Variants in SUGCT observed in about 807,000 individuals in gnomAD.
SUGCT encodes succinyl-CoA:glutarate CoA-transferase.
SUGCT carries 41 observed loss-of-function variants against 55.0 expected under a neutral mutation model. That is an observed-to-expected ratio of 0.74 (90% CI 0.58 to 0.97). The LOEUF (loss-of-function observed/expected upper bound fraction) is 0.97, where lower values mean the gene tolerates loss of function less well. Ranked by LOEUF, SUGCT falls within the 50% of genes least tolerant of loss-of-function variation. SUGCT has a pLI of 0.00. For synonymous variants in SUGCT, 187 were observed against 200.4 expected (o/e 0.93, Z 0.56); for missense variants, 568 against 547.8 (o/e 1.04, Z -0.37).
chr7:40,780,204 A>G (rs1789664772), intron 13 of SUGCT, among the ~76,000 whole-genome samples: 1 of 152,102 alleles, frequency 6.6e-6, no homozygotes, highest in Admixed American at 6.5e-5. Context: ...TGCTGGGTGA[A>G]GGTTTGTGTC....
intron 12 of SUGCT, among the ~76,000 whole-genome samples, chr7:40,578,591 T>C (rs1796904955): frequency 6.6e-6 from 1 of 151,722 alleles, no homozygotes; most frequent in Non-Finnish European, 1.5e-5. Flanking sequence ...ATTATTAGCA[T>C]CAGCTGGGGA....
intron 8 of SUGCT, among the ~76,000 whole-genome samples, chr7:40,283,013 T>C (rs1173192566): frequency 6.6e-6 from 1 of 151,864 alleles, no homozygotes; most frequent in East Asian, 1.9e-4. Flanking sequence ...GCACAGGCAA[T>C]GAAAGCAAAA....
At chr7:41,011,876 A>ACC in the SUGCT span, among the ~76,000 whole-genome samples, 2 of 151,640 alleles carry the variant, frequency 1.3e-5, no homozygotes. Context: ...TGCTGTTCCA[A>ACC]CCCCGAATCA....
chr7:40,575,505 A>G (rs1344804180), intron 12 of SUGCT, among the ~76,000 whole-genome samples: 2 of 152,188 alleles, frequency 1.3e-5, no homozygotes, highest in Non-Finnish European at 2.9e-5. Context: ...TCTATTTAAC[A>G]GCAAACATAT....
the SUGCT span, among the ~76,000 whole-genome samples, chr7:41,007,189 G>T: frequency 6.6e-6 from 1 of 151,642 alleles, no homozygotes; most frequent in Non-Finnish European, 1.5e-5. Flanking sequence ...ATAAAACACA[G>T]ATTTTGATAG....
At chr7:40,138,535 C>T (rs752488136) in intron 1 of SUGCT, among the ~76,000 whole-genome samples, 18 of 152,070 alleles carry the variant, frequency 1.2e-4, no homozygotes, top group African/African-American at 3.9e-4. Flanking sequence ...CTGCATCTTC[C>T]GGTAGTTCTA....
chr7:40,323,978 C>T (rs1403699988), intron 9 of SUGCT, among the ~76,000 whole-genome samples: 1 of 151,954 alleles, frequency 6.6e-6, no homozygotes, highest in Non-Finnish European at 1.5e-5. Flanking sequence ...AAGATCTTTC[C>T]ATCTCTCCTC....
chr7:40,376,150 T>C lies in SUGCT; in HGVS notation c.816+59295T>C, dbSNP rs180713807. 8.1e-3 allele frequency among the ~76,000 whole-genome samples: 1,239 copies of C among 152,274 alleles called. 13 individuals carry two copies. Among genetic ancestry groups the C allele is most frequent in the Non-Finnish European group, 9.4e-3 (639 of 68,020 alleles). On this transcript the variant is annotated intron_variant, in intron 9 of 13. Transcript: ENST00000335693. ...ATTAGTATATTTTGGATGTAAAAGT[T>C]TAAATGACAGAAAAAGCTATGAAGG...
chr7:40,371,725 TCTTA>T (rs1334765073), intron 9 of SUGCT, among the ~76,000 whole-genome samples: 4 of 106,038 alleles, frequency 3.8e-5, no homozygotes, highest in African/African-American at 6.2e-5. Flanking sequence ...TTCCTTATTG[TCTTA>T]ATTGTCACTG....
the SUGCT span, among the ~76,000 whole-genome samples, chr7:40,922,066 C>T: frequency 2.6e-5 from 4 of 152,098 alleles, no homozygotes; most frequent in East Asian, 1.9e-4. Context: ...TGTATCTTCC[C>T]GTATTTGTCA....
intron 13 of SUGCT, among the ~76,000 whole-genome samples, chr7:40,788,626 T>C (rs568579483): frequency 6.6e-6 from 1 of 152,304 alleles, no homozygotes; most frequent in South Asian, 2.1e-4. Context: ...CAGATGGATC[T>C]CTGTGTGGGT....
At chr7:40,549,902 T>C (rs138345587) in intron 12 of SUGCT, among the ~76,000 whole-genome samples, 10 of 152,214 alleles carry the variant, frequency 6.6e-5, no homozygotes, top group Admixed American at 2.0e-4. Context: ...CCTAGAACAA[T>C]TGAGAATTCA....
chr7:40,941,971 A>T, the SUGCT span, among the ~76,000 whole-genome samples: 1 of 152,086 alleles, frequency 6.6e-6, no homozygotes, highest in Non-Finnish European at 1.5e-5. Context: ...TGTGTTAGTG[A>T]GTCTCTTGAA....
chr7:40,845,987 C>G (rs1458927323), intron 13 of SUGCT, among the ~76,000 whole-genome samples: 3 of 152,138 alleles, frequency 2.0e-5, no homozygotes, highest in African/African-American at 7.2e-5. Context: ...CAGATAAGCA[C>G]CTACTATAGC....
intron 8 of SUGCT, among the ~76,000 whole-genome samples, chr7:40,292,221 A>T (rs1458091224): frequency 6.6e-6 from 1 of 152,130 alleles, no homozygotes; most frequent in East Asian, 1.9e-4. Context: ...AGTTGTACTT[A>T]TTTTTAATTT....
chr7:40,467,456 C>T (rs1562798180), intron 11 of SUGCT, among the ~76,000 whole-genome samples: 1 of 152,054 alleles, frequency 6.6e-6, no homozygotes, highest in Non-Finnish European at 1.5e-5. Flanking sequence ...TCTAGTTATA[C>T]TCTTTTAGTT....
intron 11 of SUGCT, among the ~76,000 whole-genome samples, chr7:40,466,094 G>T (rs1187176732): frequency 6.6e-6 from 1 of 152,046 alleles, no homozygotes; most frequent in Non-Finnish European, 1.5e-5. Flanking sequence ...GGGTGGGGGA[G>T]TGGGGTTTCC....
At chr7:40,446,880 C>A (rs1361321606) in intron 9 of SUGCT, among the ~76,000 whole-genome samples, 3 of 152,114 alleles carry the variant, frequency 2.0e-5, no homozygotes, top group African/African-American at 4.8e-5. Flanking sequence ...ACTAGCCACA[C>A]GTGGCTATTG....
At chr7:40,484,140 C>T (rs768702950) in intron 11 of SUGCT, among the ~76,000 whole-genome samples, 1 of 152,174 alleles carries the variant, frequency 6.6e-6, no homozygotes, top group Non-Finnish European at 1.5e-5. Context: ...AAATGTCAGA[C>T]TTATCTTCTC....
Sources: allele counts gnomAD v4.1 joint callset (sites outside exome capture counted in the v4.1 genomes callset), GRCh38; gene constraint gnomAD v4.1.1; transcripts MANE v1.5; gene names NCBI Gene and HGNC (gene_info 2026-07-23, HGNC 2026-07-21).